Variants in TSPAN10 observed in about 807,000 individuals in gnomAD.
TSPAN10 encodes tetraspanin 10.
In TSPAN10, 11 loss-of-function variants were observed where a neutral mutation model predicts 15.0. The ratio of observed to expected loss-of-function variants is 0.73; its 90% CI spans 0.46 to 1.21. The LOEUF is 1.21. TSPAN10 is among the 50% of genes most tolerant of loss of function. The probability of loss-of-function intolerance (pLI) is 0.00; values close to 1 mark genes in which losing one functional copy is unlikely to be tolerated. For synonymous variants in TSPAN10, 241 were observed against 226.2 expected, an observed-to-expected ratio of 1.07 and a Z score of -0.59; for missense variants, 486 against 470.6, an observed-to-expected ratio of 1.03 and a Z score of -0.30.
chr17:81,641,055 C>T (rs2036173439), upstream of TSPAN10, among the ~76,000 whole-genome samples: 1 of 152,022 alleles, frequency 6.6e-6, no homozygotes, highest in Non-Finnish European at 1.5e-5. Context: ...ATCCTAGTTA[C>T]TCAGGAGGCC....
At chr17:81,643,996 C>T (rs2036208457) in intron 1 of TSPAN10, among the ~76,000 whole-genome samples, 1 of 150,568 alleles carries the variant, frequency 6.6e-6, no homozygotes, top group Admixed American at 6.6e-5. Flanking sequence ...TGTGCCACCA[C>T]GCCCGGCTAA....
At chr17:81,637,669 C>T, upstream of TSPAN10, 1 of 348,288 alleles carries the variant, frequency 2.9e-6, no homozygotes, top group Non-Finnish European at 5.4e-6. Context: ...CGCGGTGGCT[C>T]ACGCCTGTAA....
exon 2 of TSPAN10, chr17:81,645,360 C>G: frequency 6.3e-7 from 1 of 1,592,342 alleles, no homozygotes; most frequent in Non-Finnish European, 8.5e-7. Flanking sequence ...GCGCAGTGAG[C>G]CTGGCTGGCT....
At chr17:81,648,088 C>T (rs781027456) in exon 3 of TSPAN10, 19 of 1,587,364 alleles carry the variant, frequency 1.2e-5, no homozygotes, top group African/African-American at 2.7e-5. Flanking sequence ...GCGGTGGCTG[C>T]GCGCGAACCT....
exon 2 of TSPAN10, chr17:81,645,308 C>T (rs1347114350): frequency 1.3e-6 from 2 of 1,544,922 alleles, no homozygotes; most frequent in Non-Finnish European, 1.7e-6. Flanking sequence ...CCCCTGCCCG[C>T]AGACCCCATG....
upstream of TSPAN10, among the ~76,000 whole-genome samples, chr17:81,641,889 C>CGAAAACAAGG: frequency 6.6e-6 from 1 of 151,584 alleles, no homozygotes; most frequent in South Asian, 2.1e-4. Flanking sequence ...AAAACAAAAA[C>CGAAAACAAGG]AAGGAGGTGA....
upstream of TSPAN10, among the ~76,000 whole-genome samples, chr17:81,641,806 A>T (rs969461797): frequency 1.8e-5 from 2 of 108,244 alleles, no homozygotes; most frequent in African/African-American, 8.4e-5. Flanking sequence ...TAGTCCCGGG[A>T]GGCGAGGTTG....
upstream of TSPAN10, among the ~76,000 whole-genome samples, chr17:81,639,992 A>G: frequency 6.7e-6 from 1 of 150,078 alleles, no homozygotes; most frequent in Non-Finnish European, 1.5e-5. Flanking sequence ...AAAAAAAAAA[A>G]AAAGAAAAGA....
At chr17:81,645,466 G>C in exon 2 of TSPAN10, 1 of 1,586,310 alleles carries the variant, frequency 6.3e-7, no homozygotes, top group Non-Finnish European at 8.6e-7. Flanking sequence ...GGGGGCCCTG[G>C]TGGTGGCCCT....
intron 2 of TSPAN10, among the ~76,000 whole-genome samples, chr17:81,647,166 GGT>G (rs1224297964): frequency 7.9e-4 from 120 of 152,332 alleles, no homozygotes; most frequent in African/African-American, 2.8e-3. Context: ...GCACCACATA[GGT>G]TGGTTTTTGG....
chr17:81,645,734 C>T (rs2036243950), intron 2 of TSPAN10, 105 bp downstream of exon 3: 1 of 1,392,930 alleles, frequency 7.2e-7, no homozygotes. Context: ...CTCATTCGTG[C>T]ATGCCCACAT....
downstream of TSPAN10, chr17:81,648,392 T>C (rs2036289604): frequency 9.0e-7 from 1 of 1,111,594 alleles, no homozygotes; most frequent in African/African-American, 1.6e-5. Context: ...GCCGCCTGAT[T>C]TCGCTCGGGC....
exon 2 of TSPAN10, chr17:81,645,008 A>G (rs764296983): frequency 6.2e-7 from 1 of 1,610,926 alleles, no homozygotes; most frequent in Admixed American, 1.7e-5. Flanking sequence ...GCAGGCCAGA[A>G]GCCCCTCTCT....
intron 2 of TSPAN10, 152 bp from the exon 4 acceptor site, chr17:81,647,749 G>C (rs541085212): frequency 2.7e-6 from 2 of 751,400 alleles, no homozygotes; most frequent in Non-Finnish European, 4.4e-6. Flanking sequence ...CGTGTGTGCA[G>C]GTGTGTGCGA....
downstream of TSPAN10, chr17:81,648,331 G>A (rs1377520185): frequency 3.3e-6 from 4 of 1,200,862 alleles, no homozygotes; most frequent in Middle Eastern, 6.7e-4. Context: ...CACGCACAGG[G>A]ATACAGGGGG....
intron 2 of TSPAN10, chr17:81,647,499 G>A (rs958383538): frequency 2.1e-6 from 1 of 486,154 alleles, no homozygotes; most frequent in Non-Finnish European, 4.1e-6. Flanking sequence ...AAGACCTGTG[G>A]ACCATTCCAG....
At chr17:81,644,562 C>T (rs1392542591) in intron 1 of TSPAN10, among the ~76,000 whole-genome samples, 4 of 152,208 alleles carry the variant, frequency 2.6e-5, no homozygotes, top group Non-Finnish European at 4.4e-5. Context: ...GACTGATCCA[C>T]GCAGATGCTG....
chr17:81,642,260 G>A, upstream of TSPAN10: 1 of 739,392 alleles, frequency 1.4e-6, no homozygotes, highest in Non-Finnish European at 2.3e-6. Context: ...ATCTGGGTAG[G>A]GCTCGCACCT....
chr17:81,642,397 T>C, upstream of TSPAN10: 1 of 1,613,584 alleles, frequency 6.2e-7, no homozygotes, highest in Non-Finnish European at 8.5e-7. Context: ...GGGGGCTTTC[T>C]GTTCCAGCGT....
Sources: gnomAD v4.1 joint callset for allele counts (sites outside exome capture counted in the v4.1 genomes callset) on GRCh38, gnomAD v4.1.1 for gene constraint, MANE v1.5 for transcripts, NCBI Gene and HGNC (gene_info 2026-07-23, HGNC 2026-07-21) for gene names.